FAF1: variants seen among roughly 807,000 people sequenced by gnomAD.
The protein encoded by FAF1 is FAS-associated factor 1.
In FAF1, 25 loss-of-function variants were observed where a neutral mutation model predicts 92.5. The observed-to-expected ratio is 0.27, with a 90% CI of 0.20 to 0.38. The LOEUF (loss-of-function observed/expected upper bound fraction) is 0.38. Among genes scored for constraint, FAF1 ranks in the 10% least tolerant of loss-of-function variants. FAF1 has a pLI of 1.00. For synonymous variants in FAF1, 234 were observed against 273.2 expected (o/e 0.86, Z 1.42); for missense variants, 636 against 793.3 (o/e 0.80, Z 2.38).
At chr1:50,958,554 T>C (rs546181879) in intron 1 of FAF1, among the ~76,000 whole-genome samples, 1 of 152,010 alleles carries the variant, frequency 6.6e-6, no homozygotes, top group African/African-American at 2.4e-5. Context: ...GGCCGGCGCC[T>C]GTAGTCCCAG....
At chr1:50,444,731 A>C (rs1371805285) in intron 18 of FAF1, among the ~76,000 whole-genome samples, 6 of 152,184 alleles carry the variant, frequency 3.9e-5, no homozygotes, top group African/African-American at 1.4e-4. Flanking sequence ...TAGTACCTTA[A>C]CTAGACCTCA....
At chr1:50,577,481 C>T (rs1373072032) in intron 12 of FAF1, among the ~76,000 whole-genome samples, 1 of 152,116 alleles carries the variant, frequency 6.6e-6, no homozygotes, top group East Asian at 1.9e-4. Flanking sequence ...GCCGAGATGG[C>T]GCCACTGCAC....
chr1:50,473,926 G>C (rs942602216), intron 18 of FAF1, among the ~76,000 whole-genome samples: 1 of 152,144 alleles, frequency 6.6e-6, no homozygotes, highest in Admixed American at 6.5e-5. Context: ...GATCACAATG[G>C]AATCACAGAA....
At chr1:50,912,684 A>C (rs1257984720) in intron 1 of FAF1, among the ~76,000 whole-genome samples, 1 of 152,174 alleles carries the variant, frequency 6.6e-6, no homozygotes, top group African/African-American at 2.4e-5. Context: ...ATGACTCTAC[A>C]CTATGCAATC....
chr1:50,520,799 T>C (rs1299394734), intron 15 of FAF1, among the ~76,000 whole-genome samples: 5 of 152,172 alleles, frequency 3.3e-5, no homozygotes, highest in African/African-American at 1.2e-4. Flanking sequence ...GAGCCCTGAC[T>C]GTGCCACTGC....
chr1:50,706,101 T>A lies in FAF1; in HGVS notation c.552-210A>T, dbSNP rs538913702. 1.1e-4 allele frequency: 50 copies of A among 453,838 alleles called. 1 individual carries two copies. The Admixed American group carries it at 1.6e-3, about 14-fold the overall frequency. 28.1% of individuals were successfully genotyped at this position (453,838 alleles called of 1,614,324 possible). The stretch of plus-strand genomic sequence containing the variant: ...TGTTAACTCTTTCTCTACCAAGGTG[T>A]TTTTAAATTTCAAGTCTAAATGCTT... On this transcript the variant is annotated intron_variant, in intron 6 of 18. Coordinates refer to ENST00000396153, the MANE Select transcript of FAF1 (RefSeq NM_007051.3).
At chr1:50,886,659 G>A (rs1412064617) in intron 1 of FAF1, among the ~76,000 whole-genome samples, 3 of 152,046 alleles carry the variant, frequency 2.0e-5, no homozygotes, top group African/African-American at 4.8e-5. Flanking sequence ...ATAGTTTGCT[G>A]AGAATGATGG....
intron 1 of FAF1, among the ~76,000 whole-genome samples, chr1:50,876,639 G>A (rs191061167): frequency 1.1e-3 from 173 of 152,284 alleles, no homozygotes; most frequent in African/African-American, 4.0e-3. Flanking sequence ...AGGCTGGAGT[G>A]CAGTGGCGCA....
In FAF1 at chr1:50,949,996, T is replaced by TA. The variant is rs111621732; in HGVS notation, c.45+9770dup. ...CACATGCTATCACACCCAGCTAATT[T>TA]AAAAAAAAAAAATTTATTTTTTTTT... On this transcript the variant is annotated intron_variant, in intron 1 of 18. Transcript: ENST00000396153. 5.3e-3 allele frequency among the ~76,000 whole-genome samples: 794 copies of TA among 148,642 alleles called. 8 individuals are homozygous for TA. Among genetic ancestry groups the TA allele is most frequent in the East Asian group, 0.035 (176 of 5,100 alleles).
intron 2 of FAF1, among the ~76,000 whole-genome samples, chr1:50,802,771 C>G (rs1483426338): frequency 6.6e-6 from 1 of 152,226 alleles, no homozygotes; most frequent in African/African-American, 2.4e-5. Context: ...CTTCCCTACC[C>G]TTCCGTATCC....
intron 9 of FAF1, among the ~76,000 whole-genome samples, chr1:50,595,211 C>T (rs1479190951): frequency 3.9e-5 from 6 of 151,994 alleles, no homozygotes; most frequent in Non-Finnish European, 1.5e-5. Flanking sequence ...TGCGCCACCA[C>T]ACCCAACTAA....
At chr1:50,619,189 G>T (rs1478484940) in intron 8 of FAF1, among the ~76,000 whole-genome samples, 1 of 152,148 alleles carries the variant, frequency 6.6e-6, no homozygotes, top group Non-Finnish European at 1.5e-5. Flanking sequence ...TTTTTATTCA[G>T]TTTGTCATTC....
intron 12 of FAF1, among the ~76,000 whole-genome samples, chr1:50,574,898 C>CTTTTT (rs891527014): frequency 5.6e-5 from 4 of 71,400 alleles, no homozygotes; most frequent in Non-Finnish European, 8.3e-5. Context: ...TGTATTAACT[C>CTTTTT]TTTTTTTTTT....
intron 13 of FAF1, among the ~76,000 whole-genome samples, chr1:50,559,859 G>T (rs532481481): frequency 1.3e-5 from 2 of 152,288 alleles, no homozygotes; most frequent in South Asian, 4.1e-4. Flanking sequence ...GGGATGTTTA[G>T]GATGGCAATA....
intron 6 of FAF1, among the ~76,000 whole-genome samples, chr1:50,717,696 A>G (rs1452081065): frequency 6.6e-6 from 1 of 152,184 alleles, no homozygotes; most frequent in Non-Finnish European, 1.5e-5. Flanking sequence ...CAAAACTCGT[A>G]TAACTCAGAG....
intron 4 of FAF1, among the ~76,000 whole-genome samples, chr1:50,764,944 C>CCATGTAA (rs1290511764): frequency 5.3e-5 from 8 of 152,292 alleles, no homozygotes; most frequent in Non-Finnish European, 1.0e-4. Flanking sequence ...TAGGGTGGTT[C>CCATGTAA]ACATTCATGT....
chr1:50,853,121 T>C (rs1644364095), intron 2 of FAF1, among the ~76,000 whole-genome samples: 1 of 152,152 alleles, frequency 6.6e-6, no homozygotes, highest in African/African-American at 2.4e-5. Flanking sequence ...TATTCATTCA[T>C]AAAACTGCAG....
chr1:50,578,715 G>A (rs1301861771), intron 12 of FAF1, among the ~76,000 whole-genome samples: 3 of 152,080 alleles, frequency 2.0e-5, no homozygotes, highest in Admixed American at 2.0e-4. Flanking sequence ...ATATGTATAG[G>A]AACATGTTTT....
intron 1 of FAF1, among the ~76,000 whole-genome samples, chr1:50,956,661 G>C (rs940588980): frequency 2.0e-5 from 3 of 152,172 alleles, no homozygotes; most frequent in African/African-American, 7.2e-5. Flanking sequence ...TAAATTAAAT[G>C]ATTTGAGCCG....
Sources: allele counts gnomAD v4.1 joint callset (sites outside exome capture counted in the v4.1 genomes callset), GRCh38; gene constraint gnomAD v4.1.1; transcripts MANE v1.5; gene names NCBI Gene and HGNC (gene_info 2026-07-23, HGNC 2026-07-21).